STRA6: variants seen among roughly 807,000 people sequenced by gnomAD.
STRA6 encodes signaling receptor and transporter of retinol STRA6.
STRA6 carries 48 observed loss-of-function variants against 83.6 expected under a neutral mutation model. The observed-to-expected ratio is 0.57, with a 90% CI of 0.46 to 0.73. The LOEUF is 0.73. Ranked by LOEUF, STRA6 falls within the 30% of genes least tolerant of loss-of-function variation. The pLI is 0.00. For missense variants in STRA6, 760 were observed against 838.8 expected (o/e 0.91, Z 1.16); for synonymous variants, 353 against 362.3 (o/e 0.97, Z 0.29).
chr15:74,191,574 C>T (rs2073541848), intron 8 of STRA6, 83 bp from the exon 9 acceptor site: 6 of 1,230,800 alleles, frequency 4.9e-6, no homozygotes, highest in African/African-American at 1.5e-5. Context: ...CTAGAGTGTT[C>T]ACCAAGCAGG....
At chr15:74,181,587 G>T in intron 16 of STRA6, 129 bp from the exon 17 acceptor site, 2 of 1,286,258 alleles carry the variant, frequency 1.6e-6, no homozygotes, top group Non-Finnish European at 2.2e-6. Flanking sequence ...TATGTCTTCT[G>T]TGCACCCCAC....
intron 18 of STRA6, 147 bp downstream of exon 18, chr15:74,180,635 G>C (rs2072928874): frequency 8.9e-7 from 1 of 1,123,612 alleles, no homozygotes; most frequent in African/African-American, 1.6e-5. Context: ...CCTGAGATCA[G>C]ACCAGGAGGG....
In STRA6 at chr15:74,179,724, T is replaced by G. The variant is rs1273489342; in HGVS notation, c.*356A>C. On this transcript the variant is annotated 3_prime_UTR_variant, in exon 19 of 19. Transcript: ENST00000395105. ...GTGAAGGCCAAGGCTGAGGTGGAGCTGGGCTGGAGTGGTTCCAGAGAAGGC... is the reference window on the plus strand; with the variant it reads ...GTGAAGGCCAAGGCTGAGGTGGAGCGGGGCTGGAGTGGTTCCAGAGAAGGC... 1 of 222,764 alleles carries G rather than the reference T, an allele frequency of 4.5e-6. No homozygotes were observed. Among genetic ancestry groups the G allele is most frequent in the East Asian group, 1.0e-4 (1 of 9,534 alleles). 13.8% of individuals were successfully genotyped at this position (222,764 alleles called of 1,614,324 possible).
upstream of STRA6, among the ~76,000 whole-genome samples, chr15:74,205,376 A>T (rs1478847762): frequency 3.3e-5 from 5 of 152,190 alleles, no homozygotes; most frequent in Non-Finnish European, 2.9e-5. Context: ...CAGGAAACCC[A>T]CAATCGTGAT....
chr15:74,201,855 C>T (rs2142083103), intron 2 of STRA6, among the ~76,000 whole-genome samples: 1 of 152,206 alleles, frequency 6.6e-6, no homozygotes, highest in Middle Eastern at 3.4e-3. Context: ...CCAGAATCAC[C>T]CAGGGAGCCA....
chr15:74,194,022 T>C, intron 7 of STRA6, 100 bp from the exon 8 acceptor site: 1 of 1,566,738 alleles, frequency 6.4e-7, no homozygotes, highest in Non-Finnish European at 8.7e-7. Flanking sequence ...GCCCTGAGGG[T>C]GGTCTGGGGG....
rs2073513297 is a variant in STRA6, at chr15:74,191,150, A to G, written c.865+17T>C. On this transcript the variant is annotated intron_variant, in intron 10 of 18. Coordinates refer to ENST00000395105, the MANE Select transcript of STRA6 (RefSeq NM_022369.4). The stretch of plus-strand genomic sequence containing the variant: ...AACGTCCCCTGTCACGCTCGGCCTC[A>G]GCTCCCAACCCCATACCTGGCTGTG... The G allele has an allele frequency of 6.2e-7, 1 of 1,613,702 alleles. No homozygotes were observed. Among genetic ancestry groups the G allele is most frequent in the Non-Finnish European group, 8.5e-7 (1 of 1,179,856 alleles).
At chr15:74,202,062 C>A in intron 2 of STRA6, 93 bp downstream of exon 2, 1 of 1,330,734 alleles carries the variant, frequency 7.5e-7, no homozygotes, top group Non-Finnish European at 9.7e-7. Context: ...CCTAGCAGCC[C>A]CTGCCCAGGA....
At chr15:74,211,839 GTCTC>G (rs1203642075), upstream of STRA6, among the ~76,000 whole-genome samples, 3 of 151,682 alleles carry the variant, frequency 2.0e-5, no homozygotes, top group South Asian at 2.1e-4. Context: ...CTTTCCTTCT[GTCTC>G]TCTCTACTTT....
At chr15:74,182,114 G>C (rs1412600970) in intron 16 of STRA6, 47 bp downstream of exon 16, 5 of 1,520,746 alleles carry the variant, frequency 3.3e-6, no homozygotes, top group Non-Finnish European at 3.7e-6. Flanking sequence ...AGACACCGAA[G>C]AAGAGGCGAG....
Position 74,208,742 on chromosome 15 carries a change from C to T in STRA6, c.-16+58G>A, listed in dbSNP as rs182525879. ...CCACCGCACACCCCATGTGCCTTCT[C>T]GCTGTTCCCCGACCTGTTCCAATCC... On this transcript the variant is annotated intron_variant, in intron 1 of 18. Coordinates refer to the STRA6 transcript ENST00000323940. 5.7e-4 allele frequency: 566 copies of T among 988,010 alleles called. 2 individuals carry two copies. The African/African-American group carries it at 8.1e-3, about 14-fold the overall frequency. The allele number at this position is 988,010 out of a possible 1,614,324, so 61.2% of individuals were successfully genotyped here.
Position 74,180,005 on chromosome 15 carries a change from G to A in STRA6, c.*75C>T, listed in dbSNP as rs182529524. The A allele has an allele frequency of 1.3e-6, 2 of 1,568,608 alleles. No homozygotes were observed. The highest frequency in any genetic ancestry group is 4.5e-5 in the East Asian group (2 of 44,156). On this transcript the variant is annotated 3_prime_UTR_variant, in exon 19 of 19. Coordinates refer to ENST00000395105, the MANE Select transcript of STRA6 (RefSeq NM_022369.4). ...TGGCTGGTGTGATGCTGGGAGGAGAGCCGGGGAGGGAGGAGGATGGTAGGC... is the reference window on the plus strand; with the variant it reads ...TGGCTGGTGTGATGCTGGGAGGAGAACCGGGGAGGGAGGAGGATGGTAGGC...
rs2073410445 is a variant in STRA6 at position 74,189,233 on chromosome 15, C to T, written c.972G>A (p.Lys324=). ...CATCCGTGGTGACCCCTGCCCTCAC[C>T]TTCTGGATAGTGGGTACCACGCCCA... is the stretch of plus-strand genomic sequence containing the variant. ...LLVGVVPTIQ[K]VRAGVTTDVS... Residue 324 remains lysine, a synonymous_variant, in exon 12 of 19, where the codon AAG becomes AAA. Coordinates refer to ENST00000395105, the MANE Select transcript of STRA6 (RefSeq NM_022369.4). 1.9e-6 allele frequency: 3 copies of T among 1,609,888 alleles called. No individual in the cohort carries two copies. Among genetic ancestry groups the T allele is most frequent in the Non-Finnish European group, 2.5e-6 (3 of 1,178,308 alleles).
Position 74,197,437 on chromosome 15 carries a change from G to T in STRA6, c.181-14C>A. 1 of 1,549,490 alleles carries T rather than the reference G, an allele frequency of 6.5e-7. No individual in the cohort carries two copies. The highest frequency in any genetic ancestry group is 8.7e-7 in the Non-Finnish European group (1 of 1,146,062). On this transcript the variant is annotated splice_polypyrimidine_tract_variant and intron_variant, in intron 3 of 18. Coordinates refer to ENST00000395105, the MANE Select transcript of STRA6 (RefSeq NM_022369.4). ...CAGCACAAGGATCTGAAAGGAGAGT[G>T]CAGAGGAGGGCTTGGGGTGCCCAGG... is the stretch of plus-strand genomic sequence containing the variant.
chr15:74,202,825 C>G (rs1303090017), upstream of STRA6: 3 of 1,085,472 alleles, frequency 2.8e-6, no homozygotes, highest in African/African-American at 1.6e-5. Flanking sequence ...TGAGCCCCTC[C>G]CCCAGCCTCA....
In STRA6 at chr15:74,185,689, G is replaced by A. The variant is rs188519787; in HGVS notation, c.1091-634C>T. 4.1e-4 allele frequency among the ~76,000 whole-genome samples: 63 copies of A among 152,344 alleles called. No individual in the cohort carries two copies. In the Middle Eastern group the frequency reaches 0.014, roughly 33 times the overall value. On this transcript the variant is annotated intron_variant, in intron 12 of 18. Coordinates refer to ENST00000395105, the MANE Select transcript of STRA6 (RefSeq NM_022369.4). ...AAGCCTGGGTGTTTAAGAATTTCAG[G>A]GGTGCAGGCTGCAACTCTCCCACCT... is the stretch of plus-strand genomic sequence containing the variant.
intron 2 of STRA6, among the ~76,000 whole-genome samples, chr15:74,198,958 G>GCTGGCC (rs1400847264): frequency 3.3e-5 from 5 of 152,356 alleles, no homozygotes; most frequent in Admixed American, 6.5e-5. Context: ...TGAGCTCAGG[G>GCTGGCC]CTGGCCCTGG....
At position 74,184,898 on chromosome 15, in the gene STRA6, G is replaced by A. The variant is rs351237; in HGVS notation, c.1166+82C>T. The A allele has an allele frequency of 0.61, 868,275 of 1,419,060 alleles. 271,940 individuals carry two copies. The highest frequency in any genetic ancestry group is 0.72 in the Middle Eastern group (4,070 of 5,628). The allele number at this position is 1,419,060 out of a possible 1,614,324, so 87.9% of individuals were successfully genotyped here. On this transcript the variant is annotated intron_variant, in intron 13 of 18. Transcript: ENST00000395105. ...CCGGCAGAGCCCTTCCCTCCCTCCA[G>A]GCCCAGGGCCTCCCCGCAGGCCCAC...
chr15:74,209,074 G>C, upstream of STRA6: 1 of 1,244,550 alleles, frequency 8.0e-7, no homozygotes, highest in Non-Finnish European at 1.0e-6. Flanking sequence ...GTCTGGCTCT[G>C]CCCCTCCTCC....
Sources: gnomAD v4.1 joint callset for allele counts (sites outside exome capture counted in the v4.1 genomes callset) on GRCh38, gnomAD v4.1.1 for gene constraint, MANE v1.5 for transcripts, NCBI Gene and HGNC (gene_info 2026-07-23, HGNC 2026-07-21) for gene names.